Variants in MAPK10 observed in about 807,000 individuals in gnomAD.
MAPK10 encodes the protein mitogen-activated protein kinase 10.
Under a neutral mutation model 59.3 loss-of-function variants are expected in MAPK10, and 25 were observed. The observed-to-expected ratio is 0.42, with a 90% CI of 0.31 to 0.59. The LOEUF is 0.59. MAPK10 is among the 20% of genes least tolerant of loss of function. The pLI, the probability that MAPK10 is intolerant of heterozygous loss-of-function variation, is 0.15. For missense variants in MAPK10, 351 were observed against 568.9 expected (o/e 0.62, Z 3.90); for synonymous variants, 190 against 200.5 (o/e 0.95, Z 0.44).
rs371360884 is a variant in MAPK10 at position 86,464,245 on chromosome 4, AATT to A, written c.-262-109604_-262-109602del. ...TAATTGGATTTTCCCTAAAATAACT[AATT>A]TAAACCAATTGAAGGTGCTAAGAAT... On this transcript the variant is annotated intron_variant, in intron 1 of 4. Coordinates refer to the MAPK10 transcript ENST00000502302. Among the ~76,000 whole-genome samples, 47 of 152,352 alleles carry A rather than the reference AATT, an allele frequency of 3.1e-4. 1 individual carries two copies. The South Asian group carries it at 9.7e-3, about 32-fold the overall frequency.
chr4:86,543,643 A>C (rs1283913295), intron 1 of MAPK10, among the ~76,000 whole-genome samples: 1 of 152,234 alleles, frequency 6.6e-6, no homozygotes, highest in Non-Finnish European at 1.5e-5. Context: ...TTTTAAACAC[A>C]AAAAAGAGAA....
chr4:86,477,996 T>A (rs1453410481), intron 1 of MAPK10, among the ~76,000 whole-genome samples: 1 of 152,140 alleles, frequency 6.6e-6, no homozygotes, highest in Non-Finnish European at 1.5e-5. Flanking sequence ...CCCAAATTTC[T>A]TCCTCATCTG....
intron 2 of MAPK10, among the ~76,000 whole-genome samples, chr4:86,204,492 T>C (rs867117741): frequency 3.9e-5 from 6 of 151,926 alleles, no homozygotes; most frequent in Admixed American, 6.6e-5. Context: ...CCAATCAAGA[T>C]AGCTAGTACA....
intron 9 of MAPK10, among the ~76,000 whole-genome samples, chr4:86,078,045 T>TC (rs1169926417): frequency 1.3e-5 from 2 of 152,066 alleles, no homozygotes; most frequent in African/African-American, 4.8e-5. Flanking sequence ...AAAATACATA[T>TC]CCCTCCTCCC....
At chr4:86,135,557 CA>C (rs1463949570) in intron 4 of MAPK10, among the ~76,000 whole-genome samples, 2 of 152,090 alleles carry the variant, frequency 1.3e-5, no homozygotes, top group Admixed American at 6.5e-5. Flanking sequence ...CATCAAAGAC[CA>C]AAAGTAGATA....
chr4:86,036,675 C>T (rs1246935577), intron 11 of MAPK10, among the ~76,000 whole-genome samples: 3 of 152,046 alleles, frequency 2.0e-5, no homozygotes, highest in African/African-American at 7.2e-5. Context: ...AAAATAAAGA[C>T]TAATAAAACA....
At chr4:86,231,734 G>A (rs1279191894) in intron 2 of MAPK10, among the ~76,000 whole-genome samples, 2 of 152,058 alleles carry the variant, frequency 1.3e-5, no homozygotes, top group African/African-American at 4.8e-5. Context: ...CTCACATTTG[G>A]ATTAAAGAAA....
At chr4:86,047,448 G>A (rs2042712581) in intron 11 of MAPK10, among the ~76,000 whole-genome samples, 1 of 152,132 alleles carries the variant, frequency 6.6e-6, no homozygotes, top group Non-Finnish European at 1.5e-5. Context: ...ATATACTGGT[G>A]CAGAGTGGAA....
At chr4:86,569,837 C>T (rs1351175909) in intron 1 of MAPK10, among the ~76,000 whole-genome samples, 1 of 151,942 alleles carries the variant, frequency 6.6e-6, no homozygotes, top group Non-Finnish European at 1.5e-5. Flanking sequence ...GAATGAAATA[C>T]CACCTGTTCA....
chr4:86,289,325 T>G (rs939536795), intron 2 of MAPK10, among the ~76,000 whole-genome samples: 25 of 152,096 alleles, frequency 1.6e-4, no homozygotes, highest in Non-Finnish European at 2.9e-4. Context: ...TGGGTTTGCT[T>G]CTGAAGGATG....
intron 2 of MAPK10, among the ~76,000 whole-genome samples, chr4:86,339,292 C>T (rs1481313184): frequency 6.6e-6 from 1 of 152,146 alleles, no homozygotes; most frequent in East Asian, 1.9e-4. Flanking sequence ...TGGAAATATT[C>T]AAGTAAACCA....
rs1742726667 is a variant in MAPK10 at position 86,014,943 on chromosome 4, A to T, written c.*2285T>A. On this transcript the variant is annotated 3_prime_UTR_variant, in exon 14 of 14. Transcript: ENST00000641462. ...AAGGGAGGGGAGAAGCCACAGATATATCAAGAGAAAAGTACCGAGAAAGAA... is the reference window on the plus strand; with the variant it reads ...AAGGGAGGGGAGAAGCCACAGATATTTCAAGAGAAAAGTACCGAGAAAGAA... 6.6e-6 allele frequency: 1 copy of T among 151,802 alleles called. No individual in the cohort carries two copies. Among genetic ancestry groups the T allele is most frequent in the East Asian group, 1.9e-4 (1 of 5,158 alleles). The allele number at this position is 151,802 out of a possible 1,614,324, so 9.4% of individuals were successfully genotyped here.
intron 2 of MAPK10, among the ~76,000 whole-genome samples, chr4:86,208,078 T>A (rs914761448): frequency 6.6e-6 from 1 of 152,142 alleles, no homozygotes; most frequent in Non-Finnish European, 1.5e-5. Context: ...TAACAGGATC[T>A]GAAATTGTGG....
At chr4:86,058,033 T>A (rs1489066001) in intron 11 of MAPK10, among the ~76,000 whole-genome samples, 1 of 149,776 alleles carries the variant, frequency 6.7e-6, no homozygotes, top group East Asian at 1.9e-4. Context: ...GAAGTGCACA[T>A]TCAGTGGAAA....
intron 2 of MAPK10, among the ~76,000 whole-genome samples, chr4:86,334,647 C>A (rs576397897): frequency 3.3e-5 from 5 of 152,094 alleles, no homozygotes; most frequent in Admixed American, 2.0e-4. Flanking sequence ...TTTTCCACCT[C>A]ACAAACCTCC....
chr4:86,415,012 C>T (rs1400911098), intron 1 of MAPK10, among the ~76,000 whole-genome samples: 1 of 151,870 alleles, frequency 6.6e-6, no homozygotes, highest in Non-Finnish European at 1.5e-5. Flanking sequence ...GTGGCATATT[C>T]CTGTACCCCC....
intron 2 of MAPK10, among the ~76,000 whole-genome samples, chr4:86,256,666 C>T (rs1007114421): frequency 6.6e-6 from 1 of 150,586 alleles, no homozygotes; most frequent in South Asian, 2.1e-4. Flanking sequence ...TGATTTGAAA[C>T]TCAACACACT....
intron 1 of MAPK10, among the ~76,000 whole-genome samples, chr4:86,468,596 G>A (rs957365637): frequency 1.3e-5 from 2 of 152,336 alleles, no homozygotes; most frequent in East Asian, 1.9e-4. Flanking sequence ...GCTCACACCT[G>A]TAATCCCAGC....
chr4:86,180,016 C>G (rs543812858), intron 3 of MAPK10, among the ~76,000 whole-genome samples: 1 of 151,920 alleles, frequency 6.6e-6, no homozygotes, highest in East Asian at 1.9e-4. Context: ...TTTTGCACAG[C>G]AAAGGAAACA....
Sources: gnomAD v4.1 joint callset for allele counts (sites outside exome capture counted in the v4.1 genomes callset) on GRCh38, gnomAD v4.1.1 for gene constraint, MANE v1.5 for transcripts, NCBI Gene and HGNC (gene_info 2026-07-23, HGNC 2026-07-21) for gene names.